Variants in GSE1 observed in about 807,000 individuals in gnomAD.
GSE1 encodes genetic suppressor element 1.
Under a neutral mutation model 112.6 loss-of-function variants are expected in GSE1, and 32 were observed. The observed-to-expected ratio is 0.28, with a 90% CI of 0.21 to 0.38. The LOEUF is 0.38. Among genes scored for constraint, GSE1 ranks in the 10% least tolerant of loss-of-function variants. The pLI is 1.00. For missense variants in GSE1, 2,348 were observed against 1,699.2 expected (o/e 1.38, Z -6.71); for synonymous variants, 1,115 against 735.6 (o/e 1.52, Z -8.35).
chr16:85,193,966 T>C (rs1044772494), intron 1 of GSE1, among the ~76,000 whole-genome samples: 1 of 152,140 alleles, frequency 6.6e-6, no homozygotes, highest in Non-Finnish European at 1.5e-5. Flanking sequence ...TGTGTGTGTG[T>C]GTGCGCGCGC....
intron 1 of GSE1, among the ~76,000 whole-genome samples, chr16:85,564,372 C>A (rs1211554318): frequency 1.3e-5 from 2 of 152,032 alleles, no homozygotes; most frequent in African/African-American, 2.4e-5. Flanking sequence ...CCATCCCTGC[C>A]CACGTTGTGG....
intron 2 of GSE1, among the ~76,000 whole-genome samples, chr16:85,493,776 G>A (rs560246725): frequency 2.3e-3 from 316 of 139,324 alleles, no homozygotes; most frequent in Non-Finnish European, 2.8e-3. Flanking sequence ...GGCAACGAGA[G>A]TGAGACTCCG....
rs543116496 is a variant in GSE1, at chr16:85,363,700, G to A, written c.2464+6057G>A. On this transcript the variant is annotated intron_variant, in intron 2 of 2. Coordinates refer to the GSE1 transcript ENST00000637419. ...TCCCATGCTGTGCCTCAGTTTACCC[G>A]TGGGTACTGTCACCACCAGTTGCCC... Among the ~76,000 whole-genome samples, 968 of 152,222 alleles carry A rather than the reference G, an allele frequency of 6.4e-3. 7 individuals are homozygous for A. The highest frequency in any genetic ancestry group is 7.7e-3 in the Non-Finnish European group (524 of 68,014).
chr16:85,265,206 G>T (rs917895335), intron 1 of GSE1, among the ~76,000 whole-genome samples: 2 of 152,222 alleles, frequency 1.3e-5, no homozygotes, highest in Non-Finnish European at 2.9e-5. Flanking sequence ...GGGCCTGCGG[G>T]TAAAGGCCTG....
chr16:85,488,374 C>T (rs1318575113), intron 2 of GSE1, among the ~76,000 whole-genome samples: 1 of 152,166 alleles, frequency 6.6e-6, no homozygotes, highest in Non-Finnish European at 1.5e-5. Context: ...GACCTGGTTC[C>T]CATCTGTGGT....
intron 1 of GSE1, among the ~76,000 whole-genome samples, chr16:85,200,948 C>T (rs753102155): frequency 5.3e-5 from 8 of 152,194 alleles, no homozygotes; most frequent in Non-Finnish European, 8.8e-5. Context: ...AGGCCAGAGA[C>T]GAACTGACCC....
At chr16:85,420,523 G>C (rs2048813675) in intron 2 of GSE1, among the ~76,000 whole-genome samples, 3 of 152,028 alleles carry the variant, frequency 2.0e-5, no homozygotes, top group Admixed American at 2.0e-4. Flanking sequence ...GCCAAGGGGG[G>C]TGGCACCATT....
In GSE1 at chr16:85,204,076, C is replaced by T. The variant is rs544901900; in HGVS notation, c.2283+32269C>T. Among the ~76,000 whole-genome samples the T allele has an allele frequency of 2.6e-5, 4 of 152,290 alleles. No homozygotes were observed. In the South Asian group the frequency reaches 6.2e-4, roughly 24 times the overall value. On this transcript the variant is annotated intron_variant, in intron 1 of 2. Transcript: ENST00000637419. ...TGAGCCGCCGTGCCTGGCCAATTTC[C>T]CAAAACTTTAACCCCTAAAGGATAC...
At chr16:85,660,479 A>G (rs2052338909) in intron 8 of GSE1, among the ~76,000 whole-genome samples, 1 of 152,098 alleles carries the variant, frequency 6.6e-6, no homozygotes, top group Non-Finnish European at 1.5e-5. Flanking sequence ...TCTACTAAAT[A>G]GGAAAAATTA....
At chr16:85,352,729 C>A (rs562761145) in intron 1 of GSE1, among the ~76,000 whole-genome samples, 10 of 152,330 alleles carry the variant, frequency 6.6e-5, no homozygotes, top group African/African-American at 2.4e-4. Context: ...GGAGATAATC[C>A]ATAATCACAA....
rs1440699857 is a variant in GSE1 at position 85,419,530 on chromosome 16, T to C, written c.2464+61887T>C. 6.7e-6 allele frequency among the ~76,000 whole-genome samples: 1 copy of C among 150,230 alleles called. No individual in the cohort carries two copies. Among genetic ancestry groups the C allele is most frequent in the Non-Finnish European group, 1.5e-5 (1 of 67,668 alleles). ...CTGAGGTGGGAGGATCGCCTGACCCTGGGAAATCGAGGCTGCAGTGAGCCA... is the reference window on the plus strand; with the variant it reads ...CTGAGGTGGGAGGATCGCCTGACCCCGGGAAATCGAGGCTGCAGTGAGCCA... On this transcript the variant is annotated intron_variant, in intron 2 of 2. Transcript: ENST00000637419. This position sits in a 1 kb window ranked among gnomAD's most constrained non-coding sequence, Gnocchi z 6.5.
intron 3 of GSE1, among the ~76,000 whole-genome samples, chr16:85,649,427 G>A (rs1309499013): frequency 6.6e-6 from 1 of 152,240 alleles, no homozygotes; most frequent in Non-Finnish European, 1.5e-5. Flanking sequence ...ATCAGAACAA[G>A]ACATCTGGTG....
intron 1 of GSE1, among the ~76,000 whole-genome samples, chr16:85,351,168 C>A (rs755290039): frequency 6.6e-6 from 1 of 152,104 alleles, no homozygotes; most frequent in Non-Finnish European, 1.5e-5. Context: ...CAGAGGAGGC[C>A]GGGAGATGGA....
At chr16:85,465,634 C>G (rs912611297) in intron 2 of GSE1, among the ~76,000 whole-genome samples, 6 of 152,340 alleles carry the variant, frequency 3.9e-5, no homozygotes, top group African/African-American at 1.4e-4. Flanking sequence ...TAAATGCCAC[C>G]TCCTCCAAGA....
chr16:85,429,636 A>G (rs2049072979), intron 2 of GSE1, among the ~76,000 whole-genome samples: 1 of 151,776 alleles, frequency 6.6e-6, no homozygotes, highest in East Asian at 1.9e-4. Context: ...TCCTCCCAAG[A>G]TCTCCCTTGC....
At chr16:85,282,825 T>C (rs1474567427) in intron 1 of GSE1, 3 of 152,294 alleles carry the variant, frequency 2.0e-5, no homozygotes, top group Admixed American at 1.3e-4. Context: ...TAGTGCTGCA[T>C]AACGAATCAC....
intron 1 of GSE1, among the ~76,000 whole-genome samples, chr16:85,625,180 C>G (rs993928715): frequency 6.6e-6 from 1 of 152,142 alleles, no homozygotes; most frequent in Non-Finnish European, 1.5e-5. Context: ...TCTGCCAGTC[C>G]CGCCCTTCCC....
chr16:85,503,487 C>G (rs942572177), intron 2 of GSE1, among the ~76,000 whole-genome samples: 1 of 152,184 alleles, frequency 6.6e-6, no homozygotes, highest in African/African-American at 2.4e-5. Flanking sequence ...AGAGCCTCCA[C>G]AAAATTACAG....
At chr16:85,646,604 G>A (rs1038310787) in intron 2 of GSE1, among the ~76,000 whole-genome samples, 3 of 152,332 alleles carry the variant, frequency 2.0e-5, no homozygotes, top group African/African-American at 7.2e-5. Context: ...GATCTGCCCT[G>A]GGCCTGTGTC....
Sources: gnomAD v4.1 joint callset for allele counts (sites outside exome capture counted in the v4.1 genomes callset) on GRCh38, gnomAD v4.1.1 for gene constraint, Gnocchi (gnomAD v3.1) non-coding constraint, MANE v1.5 for transcripts, NCBI Gene and HGNC (gene_info 2026-07-23, HGNC 2026-07-21) for gene names.